Variants in SOS1 observed in about 807,000 individuals in gnomAD.
The protein encoded by SOS1 is son of sevenless homolog 1.
A neutral mutation model predicts 157.6 loss-of-function variants in SOS1; 25 were observed. The ratio of observed to expected loss-of-function variants is 0.16; its 90% CI spans 0.12 to 0.22. SOS1 has a LOEUF of 0.22. Among genes scored for constraint, SOS1 ranks in the 10% least tolerant of loss-of-function variants. SOS1 has a pLI of 1.00. For missense variants in SOS1, 1,237 were observed against 1,599.1 expected, an observed-to-expected ratio of 0.77 and a Z score of 3.86; for synonymous variants, 528 against 534.0, an observed-to-expected ratio of 0.99 and a Z score of 0.16.
chr2:38,985,980 C>T lies in SOS1; in HGVS notation c.3846G>A (p.Val1282=), dbSNP rs753977061. ...HLPSPPLTQE[V]DLHSIAGPPV... ...GCGGCCCAGCAATGGAATGAAGGTC[C>T]ACTTCTTGTGTCAATGGTGGTGATG... is the stretch of plus-strand genomic sequence containing the variant. The change falls in exon 23 of 23, where the codon GTG becomes GTA. Residue 1282 remains valine, a synonymous_variant. Coordinates refer to ENST00000402219, the MANE Select transcript of SOS1 (RefSeq NM_005633.4). The T allele has an allele frequency of 6.2e-7, 1 of 1,613,918 alleles. No individual in the cohort carries two copies. The highest frequency in any genetic ancestry group is 2.2e-5 in the East Asian group (1 of 44,870).
chr2:39,117,007 C>A (rs1427282396), intron 1 of SOS1, among the ~76,000 whole-genome samples: 2 of 150,612 alleles, frequency 1.3e-5, no homozygotes, highest in Non-Finnish European at 3.0e-5. Context: ...CTAATTTAGT[C>A]TTTTCTGATT....
At chr2:39,023,963 A>G in intron 9 of SOS1, 47 bp downstream of exon 9, 1 of 1,403,464 alleles carries the variant, frequency 7.1e-7, no homozygotes, top group Non-Finnish European at 1.0e-6. Context: ...AATTTACACC[A>G]CAATATTCAG....
At chr2:39,084,544 TC>T (rs1558506042) in intron 1 of SOS1, among the ~76,000 whole-genome samples, 1 of 152,040 alleles carries the variant, frequency 6.6e-6, no homozygotes, top group Admixed American at 6.6e-5. Context: ...GAATCATTCC[TC>T]CCCCAAAGCT....
chr2:39,090,372 G>C (rs921864843), intron 1 of SOS1, among the ~76,000 whole-genome samples: 2 of 152,040 alleles, frequency 1.3e-5, no homozygotes, highest in South Asian at 4.1e-4. Context: ...TAGTAACTGA[G>C]CTCTTACATA....
At chr2:39,111,641 G>T (rs1673439201) in intron 1 of SOS1, among the ~76,000 whole-genome samples, 1 of 151,780 alleles carries the variant, frequency 6.6e-6, no homozygotes, top group South Asian at 2.1e-4. Context: ...AATCTCTGTG[G>T]ACTTCATCAT....
intron 1 of SOS1, among the ~76,000 whole-genome samples, chr2:39,074,075 C>T (rs903926627): frequency 3.9e-5 from 6 of 152,048 alleles, no homozygotes; most frequent in East Asian, 1.9e-4. Flanking sequence ...CTGGGCTGGG[C>T]GCGGTGGCCT....
At chr2:39,065,553 C>G (rs539520462) in intron 2 of SOS1, among the ~76,000 whole-genome samples, 5 of 152,282 alleles carry the variant, frequency 3.3e-5, no homozygotes, top group African/African-American at 1.2e-4. Context: ...TCAATCTGCT[C>G]TATTTCTCTC....
intron 1 of SOS1, among the ~76,000 whole-genome samples, chr2:39,085,718 A>G (rs570331942): frequency 2.3e-4 from 35 of 152,340 alleles, no homozygotes; most frequent in Admixed American, 2.1e-3. Context: ...TGTAGACAAT[A>G]AAACGGTCAA....
chr2:39,110,508 G>C (rs909633037), intron 1 of SOS1, among the ~76,000 whole-genome samples: 15 of 151,332 alleles, frequency 9.9e-5, no homozygotes, highest in African/African-American at 3.4e-4. Flanking sequence ...TACTACTCTA[G>C]GCATACTGCC....
chr2:39,031,556 C>G (rs757398808), intron 8 of SOS1, among the ~76,000 whole-genome samples: 13 of 152,064 alleles, frequency 8.5e-5, no homozygotes, highest in Non-Finnish European at 1.8e-4. Context: ...ATGGCAAAAC[C>G]CTTTGTCTAC....
intron 2 of SOS1, among the ~76,000 whole-genome samples, chr2:39,065,561 C>T (rs1017711380): frequency 2.6e-5 from 4 of 152,202 alleles, no homozygotes; most frequent in Admixed American, 2.6e-4. Flanking sequence ...CTCTATTTCT[C>T]TCTTTCAGAT....
At chr2:39,104,758 A>AC (rs1380763784) in intron 1 of SOS1, among the ~76,000 whole-genome samples, 2 of 152,256 alleles carry the variant, frequency 1.3e-5, no homozygotes, top group Admixed American at 1.3e-4. Flanking sequence ...TCTGGTACAT[A>AC]CTGCAACACA....
chr2:39,097,049 T>C (rs972130308), intron 1 of SOS1, among the ~76,000 whole-genome samples: 8 of 151,484 alleles, frequency 5.3e-5, no homozygotes, highest in Non-Finnish European at 1.0e-4. Flanking sequence ...ATGGGAAGAG[T>C]TGGATGATCT....
intron 1 of SOS1, among the ~76,000 whole-genome samples, chr2:39,071,772 G>A (rs532945892): frequency 4.2e-4 from 64 of 152,280 alleles, no homozygotes; most frequent in African/African-American, 1.5e-3. Context: ...TCCATTTCCA[G>A]CTGCTCTTCA....
At chr2:39,083,341 G>A (rs1022582725) in intron 1 of SOS1, among the ~76,000 whole-genome samples, 1 of 152,154 alleles carries the variant, frequency 6.6e-6, no homozygotes, top group African/African-American at 2.4e-5. Flanking sequence ...TGAGGCAAAA[G>A]AATCAGGAAA....
chr2:39,009,796 G>T (rs754267286), intron 15 of SOS1, among the ~76,000 whole-genome samples: 3 of 152,126 alleles, frequency 2.0e-5, no homozygotes, highest in Non-Finnish European at 2.9e-5. Context: ...TATGTCACTG[G>T]TATTAAGCTA....
chr2:39,009,871 C>CT (rs1161216034), intron 15 of SOS1, among the ~76,000 whole-genome samples: 1 of 151,914 alleles, frequency 6.6e-6, no homozygotes, highest in Non-Finnish European at 1.5e-5. Flanking sequence ...CAGGCAACCA[C>CT]TAAAAGGACC....
At chr2:39,106,421 T>C (rs562215752) in intron 1 of SOS1, among the ~76,000 whole-genome samples, 13 of 151,158 alleles carry the variant, frequency 8.6e-5, no homozygotes, top group Admixed American at 7.9e-4. Context: ...AAACCCCGTC[T>C]CTACTAAAAA....
intron 6 of SOS1, among the ~76,000 whole-genome samples, chr2:39,042,895 C>T (rs1670623164): frequency 6.6e-6 from 1 of 151,954 alleles, no homozygotes; most frequent in African/African-American, 2.4e-5. Flanking sequence ...TATCCAATAG[C>T]TATAATGAAC....
Sources: gnomAD v4.1 joint callset for allele counts (sites outside exome capture counted in the v4.1 genomes callset) on GRCh38, gnomAD v4.1.1 for gene constraint, MANE v1.5 for transcripts, NCBI Gene and HGNC (gene_info 2026-07-23, HGNC 2026-07-21) for gene names.